Variants in CAMKMT observed in about 807,000 individuals in gnomAD.
The protein encoded by CAMKMT is CaM KMT.
CAMKMT carries 53 observed loss-of-function variants against 48.0 expected under a neutral mutation model. That is an observed-to-expected ratio of 1.10 (90% confidence interval 0.89 to 1.39). CAMKMT has a LOEUF of 1.39. Ranked by LOEUF, CAMKMT falls within the 40% of genes most tolerant of loss-of-function variation. The probability of loss-of-function intolerance (pLI) is 0.00; values close to 1 mark genes in which losing one functional copy is unlikely to be tolerated. For synonymous variants in CAMKMT, 165 were observed against 152.3 expected (o/e 1.08, Z -0.61); for missense variants, 428 against 402.7 (o/e 1.06, Z -0.54).
chr2:44,522,081 G>A (rs1671145231), intron 3 of CAMKMT, among the ~76,000 whole-genome samples: 1 of 149,698 alleles, frequency 6.7e-6, no homozygotes, highest in Non-Finnish European at 1.5e-5. Flanking sequence ...TCAGCTCACT[G>A]CAGCCTGCCC....
At position 44,489,464 on chromosome 2, in the gene CAMKMT, TCG is replaced by T. The variant is rs1291805771; in HGVS notation, c.376+99160_376+99161del. Among the ~76,000 whole-genome samples, 14 of 152,058 alleles carry T rather than the reference TCG, an allele frequency of 9.2e-5. 1 individual carries two copies. Among genetic ancestry groups the T allele is most frequent in the African/African-American group, 3.4e-4 (14 of 41,392 alleles). On this transcript the variant is annotated intron_variant, in intron 3 of 10. Coordinates refer to ENST00000378494, the MANE Select transcript of CAMKMT (RefSeq NM_024766.5). ...TTTCACCATGTTGGTCAGGCTGGTC[TCG>T]AACTCCTGAACTCAGATGATCCACC... is the stretch of plus-strand genomic sequence containing the variant.
intron 3 of CAMKMT, among the ~76,000 whole-genome samples, chr2:44,645,017 C>T (rs1014895989): frequency 1.3e-5 from 2 of 152,152 alleles, no homozygotes; most frequent in Admixed American, 6.5e-5. Flanking sequence ...ATTTCCCCAT[C>T]GATAAAAGTG....
intron 9 of CAMKMT, among the ~76,000 whole-genome samples, chr2:44,762,543 A>T (rs953566119): frequency 6.6e-6 from 1 of 152,222 alleles, no homozygotes; most frequent in Admixed American, 6.5e-5. Context: ...ATTAGGAGAT[A>T]TACCTAATGT....
intron 7 of CAMKMT, among the ~76,000 whole-genome samples, chr2:44,735,494 G>A (rs1679306597): frequency 6.6e-6 from 1 of 151,686 alleles, no homozygotes; most frequent in Admixed American, 6.6e-5. Flanking sequence ...TCCTTTGTTG[G>A]CTTATTAGCT....
chr2:44,452,816 G>A (rs1667360910), intron 3 of CAMKMT, among the ~76,000 whole-genome samples: 1 of 151,906 alleles, frequency 6.6e-6, no homozygotes, highest in African/African-American at 2.4e-5. Context: ...ATATTTACAA[G>A]TCATCTGTGA....
chr2:44,717,605 G>C (rs1396245085), intron 7 of CAMKMT, among the ~76,000 whole-genome samples: 4 of 152,146 alleles, frequency 2.6e-5, no homozygotes, highest in Non-Finnish European at 5.9e-5. Flanking sequence ...TGCATATGCA[G>C]AATTTCTCCT....
intron 8 of CAMKMT, among the ~76,000 whole-genome samples, chr2:44,749,746 A>T (rs186344759): frequency 6.6e-6 from 1 of 152,292 alleles, no homozygotes; most frequent in East Asian, 1.9e-4. Flanking sequence ...CCCTGAACCA[A>T]GTTCCTCCCT....
At chr2:44,603,188 A>G (rs1671097853) in intron 3 of CAMKMT, among the ~76,000 whole-genome samples, 1 of 152,016 alleles carries the variant, frequency 6.6e-6, no homozygotes, top group East Asian at 1.9e-4. Flanking sequence ...TCCTGGCTTC[A>G]AGCAATTCTC....
intron 6 of CAMKMT, among the ~76,000 whole-genome samples, chr2:44,709,879 A>C (rs1056006404): frequency 2.6e-5 from 4 of 152,146 alleles, no homozygotes; most frequent in Non-Finnish European, 5.9e-5. Context: ...TAAAGCTGCT[A>C]ATTATTCTTA....
intron 3 of CAMKMT, among the ~76,000 whole-genome samples, chr2:44,449,728 C>T (rs2104587168): frequency 6.6e-6 from 1 of 152,212 alleles, no homozygotes; most frequent in South Asian, 2.1e-4. Context: ...GAAATTTCTT[C>T]TTTCAACACT....
intron 3 of CAMKMT, among the ~76,000 whole-genome samples, chr2:44,496,554 C>T (rs1260085904): frequency 6.6e-6 from 1 of 152,180 alleles, no homozygotes; most frequent in Non-Finnish European, 1.5e-5. Flanking sequence ...CTTACAGGCA[C>T]ACAATAAATA....
intron 10 of CAMKMT, among the ~76,000 whole-genome samples, chr2:44,767,478 A>G (rs748982607): frequency 6.6e-5 from 10 of 152,206 alleles, no homozygotes; most frequent in Non-Finnish European, 1.5e-4. Context: ...TTGGAAAAAT[A>G]TATGAAAAAT....
chr2:44,705,263 C>T (rs1677488347), intron 4 of CAMKMT: 8 of 640,148 alleles, frequency 1.2e-5, no homozygotes, highest in Non-Finnish European at 1.6e-5. Flanking sequence ...TCCTCCCTTT[C>T]CCCCTCTTCC....
Position 44,411,457 on chromosome 2 carries a change from T to C in CAMKMT, c.376+21152T>C, listed in dbSNP as rs564607624. Among the ~76,000 whole-genome samples the C allele has an allele frequency of 7.9e-5, 12 of 152,358 alleles. No individual in the cohort carries two copies. The East Asian group carries it at 2.3e-3, about 29-fold the overall frequency. Reference sequence around the variant, plus strand: ...ATTAGAAAATTTGACCTTGGTCATATGTTATCTCTAGATTTTAGCTCCCTC... The same window carrying C: ...ATTAGAAAATTTGACCTTGGTCATACGTTATCTCTAGATTTTAGCTCCCTC... On this transcript the variant is annotated intron_variant, in intron 3 of 10. Transcript: ENST00000378494.
At chr2:44,577,784 C>G (rs1448581235) in intron 3 of CAMKMT, among the ~76,000 whole-genome samples, 1 of 151,990 alleles carries the variant, frequency 6.6e-6, no homozygotes, top group Non-Finnish European at 1.5e-5. Flanking sequence ...TCTTATCAAC[C>G]AGAGGCTGGG....
chr2:44,444,928 C>A (rs1477790522), intron 3 of CAMKMT, among the ~76,000 whole-genome samples: 2 of 152,168 alleles, frequency 1.3e-5, no homozygotes, highest in Non-Finnish European at 2.9e-5. Flanking sequence ...TGCAACCCCC[C>A]AAGACACATT....
At chr2:44,678,988 C>T (rs1255530708) in intron 3 of CAMKMT, among the ~76,000 whole-genome samples, 1 of 152,176 alleles carries the variant, frequency 6.6e-6, no homozygotes, top group Non-Finnish European at 1.5e-5. Context: ...CAATAGCAGA[C>T]TGGTTGTTAA....
intron 3 of CAMKMT, among the ~76,000 whole-genome samples, chr2:44,620,292 G>A (rs1161375854): frequency 2.0e-5 from 3 of 148,854 alleles, no homozygotes; most frequent in Non-Finnish European, 3.0e-5. Flanking sequence ...ACTCCTTTTC[G>A]TCTTGCCCAG....
At chr2:44,451,433 GGT>G (rs1445039738) in intron 3 of CAMKMT, among the ~76,000 whole-genome samples, 5 of 151,752 alleles carry the variant, frequency 3.3e-5, no homozygotes, top group African/African-American at 9.7e-5. Context: ...CCAAGAGGCT[GGT>G]GTTCTTCTAC....
Sources: allele counts gnomAD v4.1 joint callset (sites outside exome capture counted in the v4.1 genomes callset), GRCh38; gene constraint gnomAD v4.1.1; transcripts MANE v1.5; gene names NCBI Gene and HGNC (gene_info 2026-07-23, HGNC 2026-07-21).